DISC1: variants seen among roughly 807,000 people sequenced by gnomAD.
DISC1 encodes the protein DISC1 scaffold protein, also known as disrupted in schizophrenia 1 protein.
A neutral mutation model predicts 84.5 loss-of-function variants in DISC1; 57 were observed. The observed-to-expected ratio is 0.67, with a 90% confidence interval of 0.55 to 0.84. The LOEUF is 0.84. Among genes scored for constraint, DISC1 ranks in the 40% least tolerant of loss-of-function variants. DISC1 has a pLI of 0.00. For synonymous variants in DISC1, 411 were observed against 415.2 expected, an observed-to-expected ratio of 0.99 and a Z score of 0.12; for missense variants, 1,000 against 1,057.8, an observed-to-expected ratio of 0.95 and a Z score of 0.76.
At chr1:231,985,380 T>G (rs1664276770) in intron 10 of DISC1, among the ~76,000 whole-genome samples, 2 of 150,090 alleles carry the variant, frequency 1.3e-5, no homozygotes, top group African/African-American at 4.9e-5. Context: ...TAGTACCCCC[T>G]TCAGTGTGTT....
At chr1:231,880,796 C>T (rs1486496441) in intron 9 of DISC1, among the ~76,000 whole-genome samples, 1 of 151,876 alleles carries the variant, frequency 6.6e-6, no homozygotes, top group Admixed American at 6.6e-5. Flanking sequence ...AAACTGTATT[C>T]TTGGGTGGGT....
At chr1:231,837,242 A>G (rs536293826) in intron 9 of DISC1, among the ~76,000 whole-genome samples, 1 of 152,236 alleles carries the variant, frequency 6.6e-6, no homozygotes, top group Non-Finnish European at 1.5e-5. Context: ...AATGACAATT[A>G]GAAAGGTCAT....
intron 9 of DISC1, among the ~76,000 whole-genome samples, chr1:231,944,577 G>A (rs1292737996): frequency 6.6e-6 from 1 of 152,116 alleles, no homozygotes. Context: ...TCCCTAATAA[G>A]CATCCAGGGT....
rs1218642324 is a variant in DISC1, at chr1:231,770,904, A to G, written c.1468A>G (p.Ile490Val). ...EAKDQQLRREIEEQEQQLQWQ... is the reference protein window; with the variant it reads ...EAKDQQLRREVEEQEQQLQWQ... ...CAAAGATCAACAGCTGAGAAGGGAA[A>G]TAGAGGAGCAAGAGCAGCAACTCCA... Residue 490 changes from isoleucine (I) to valine (V), a missense_variant, in exon 6 of 13, where the codon ATA becomes GTA. This residue lies in a region of DISC1 where 311 missense variants were observed against 400.1 expected (regional missense o/e 0.78). Coordinates refer to ENST00000439617, the MANE Select transcript of DISC1 (RefSeq NM_018662.3). 2.5e-6 allele frequency: 4 copies of G among 1,614,192 alleles called. No individual in the cohort carries two copies. Among genetic ancestry groups the G allele is most frequent in the African/African-American group, 1.3e-5 (1 of 75,056 alleles).
Position 231,720,194 on chromosome 1 carries a change from A to G in DISC1, c.1117+18170A>G, listed in dbSNP as rs574698501. ...CTCTAGGAGTTTATTGTGAGGTGAG[A>G]TTTGCTCATAATGAATTTTCATTGC... On this transcript the variant is annotated intron_variant, in intron 3 of 12. Transcript: ENST00000439617. Among the ~76,000 whole-genome samples, 8 of 152,224 alleles carry G rather than the reference A, an allele frequency of 5.3e-5. No homozygotes were observed. In the South Asian group the frequency reaches 1.7e-3, roughly 32 times the overall value.
intron 12 of DISC1, among the ~76,000 whole-genome samples, chr1:232,027,526 G>C (rs1020503674): frequency 7.7e-5 from 11 of 143,572 alleles, no homozygotes; most frequent in African/African-American, 2.9e-4. Context: ...GTGTTGATCT[G>C]TGGACGCAGT....
Position 231,675,642 on chromosome 1 carries a change from G to A in DISC1, c.68-18184G>A, listed in dbSNP as rs202136968. 5.3e-5 allele frequency among the ~76,000 whole-genome samples: 8 copies of A among 152,088 alleles called. No homozygotes were observed. Among genetic ancestry groups the A allele is most frequent in the Admixed American group, 2.6e-4 (4 of 15,268 alleles). Reference sequence around the variant, plus strand: ...CATCCTTAAAGATGGTGCTGTGAGGGACAGCCATGGAGGCCCATGTGCGCC... The same window carrying A: ...CATCCTTAAAGATGGTGCTGTGAGGAACAGCCATGGAGGCCCATGTGCGCC... On this transcript the variant is annotated intron_variant, in intron 1 of 12. Coordinates refer to ENST00000439617, the MANE Select transcript of DISC1 (RefSeq NM_018662.3). This position sits in a 1 kb window ranked among gnomAD's most constrained non-coding sequence, Gnocchi z 4.1.
intron 1 of DISC1, among the ~76,000 whole-genome samples, chr1:231,687,888 T>G (rs2064493810): frequency 2.6e-5 from 4 of 152,144 alleles, no homozygotes; most frequent in Admixed American, 2.6e-4. Flanking sequence ...TGAATGTACT[T>G]AATGCCACTG....
intron 4 of DISC1, among the ~76,000 whole-genome samples, chr1:231,761,263 G>T (rs566521127): frequency 6.6e-6 from 1 of 152,272 alleles, no homozygotes; most frequent in South Asian, 2.1e-4. Flanking sequence ...TGAGGGATTT[G>T]CTCATTTTGC....
At chr1:232,025,821 C>T (rs1329570413) in intron 11 of DISC1, among the ~76,000 whole-genome samples, 2 of 152,152 alleles carry the variant, frequency 1.3e-5, no homozygotes, top group Non-Finnish European at 2.9e-5. Flanking sequence ...TGGTCTTGAT[C>T]TCCTGACCTC....
intron 9 of DISC1, chr1:231,943,613 G>A (rs1454060186): frequency 6.6e-6 from 1 of 152,206 alleles, no homozygotes; most frequent in African/African-American, 2.4e-5. Context: ...ATGACCCTGG[G>A]AGGAGCAGTC....
chr1:232,016,287 A>C (rs548805336), intron 11 of DISC1, among the ~76,000 whole-genome samples: 1 of 152,322 alleles, frequency 6.6e-6, no homozygotes, highest in East Asian at 1.9e-4. Flanking sequence ...TTTACAGTTC[A>C]ATATTTCTTA....
At position 232,025,711 on chromosome 1, in the gene DISC1, C is replaced by G. The variant is rs567469055; in HGVS notation, c.2308-724C>G. ...TCCTGGGTTCACGCCATTCTCCTGC[C>G]TCAGCCTCCCAAGTAGCTGGGACTA... On this transcript the variant is annotated intron_variant, in intron 11 of 12. Coordinates refer to ENST00000439617, the MANE Select transcript of DISC1 (RefSeq NM_018662.3). Among the ~76,000 whole-genome samples, 325 of 151,892 alleles carry G rather than the reference C, an allele frequency of 2.1e-3. 8 individuals carry two copies. Among genetic ancestry groups the G allele is most frequent in the Admixed American group, 0.014 (221 of 15,264 alleles).
intron 9 of DISC1, among the ~76,000 whole-genome samples, chr1:231,917,784 A>G (rs1383102617): frequency 6.6e-6 from 1 of 152,232 alleles, no homozygotes; most frequent in Non-Finnish European, 1.5e-5. Context: ...GACATGGACT[A>G]TAATCTAGCC....
chr1:231,688,935 T>C (rs1490201764), intron 1 of DISC1, among the ~76,000 whole-genome samples: 1 of 152,224 alleles, frequency 6.6e-6, no homozygotes, highest in Admixed American at 6.5e-5. Context: ...AAGACTTAAG[T>C]GCTCTCTGAA....
intron 1 of DISC1, among the ~76,000 whole-genome samples, chr1:231,659,035 G>T (rs1320664622): frequency 2.0e-5 from 3 of 152,056 alleles, no homozygotes; most frequent in South Asian, 2.1e-4. Flanking sequence ...CAATTTTTTG[G>T]AATAATTTCA....
intron 9 of DISC1, among the ~76,000 whole-genome samples, chr1:231,917,631 G>T (rs555774214): frequency 3.3e-5 from 5 of 152,254 alleles, no homozygotes; most frequent in Non-Finnish European, 5.9e-5. Flanking sequence ...GATCTTGTGG[G>T]CTGTCTCCTC....
rs1659116255 is a variant in DISC1 at position 231,954,732 on chromosome 1, T to C, written c.1982-4096T>C. Among the ~76,000 whole-genome samples, 1 of 152,206 alleles carries C rather than the reference T, an allele frequency of 6.6e-6. No individual in the cohort carries two copies. The highest frequency in any genetic ancestry group is 6.5e-5 in the Admixed American group (1 of 15,280). On this transcript the variant is annotated intron_variant, in intron 9 of 12. Coordinates refer to ENST00000439617, the MANE Select transcript of DISC1 (RefSeq NM_018662.3). This position sits in a 1 kb window ranked among gnomAD's most constrained non-coding sequence, Gnocchi z 4.8. ...AGTAAGAAGAGAGGAAAAGGTGAGC[T>C]CTATTCTCCGTCAGCGTGTCTGTGG... is the stretch of plus-strand genomic sequence containing the variant.
chr1:231,801,494 C>T (rs770030769), intron 8 of DISC1, among the ~76,000 whole-genome samples: 2 of 152,184 alleles, frequency 1.3e-5, no homozygotes, highest in Admixed American at 6.5e-5. Flanking sequence ...TTGCGTATGG[C>T]GCAGGTTTCC....
Sources: gnomAD v4.1 joint callset for allele counts (sites outside exome capture counted in the v4.1 genomes callset) on GRCh38, gnomAD v4.1.1 for gene constraint, gnomAD v4.1.1 regional missense constraint, Gnocchi (gnomAD v3.1) non-coding constraint, MANE v1.5 for transcripts, NCBI Gene and HGNC (gene_info 2026-07-23, HGNC 2026-07-21) for gene names.